TDRD6: variants seen among roughly 807,000 people sequenced by gnomAD.
The protein encoded by TDRD6 is tudor domain containing 6, also known as tudor domain-containing protein 6.
TDRD6 carries 186 observed loss-of-function variants against 157.5 expected under a neutral mutation model. The ratio of observed to expected loss-of-function variants is 1.18; its 90% CI spans 1.05 to 1.33. The LOEUF is 1.33. Among genes scored for constraint, TDRD6 ranks in the 40% most tolerant of loss-of-function variants. TDRD6 has a pLI of 0.00. For missense variants in TDRD6, 3,066 were observed against 2,508.0 expected (o/e 1.22, Z -4.75); for synonymous variants, 1,075 against 945.2 (o/e 1.14, Z -2.52).
chr6:46,688,497 C>T lies in TDRD6; in HGVS notation c.369C>T (p.Pro123=), dbSNP rs1345698006. 7.1e-6 allele frequency: 11 copies of T among 1,557,830 alleles called. No homozygotes were observed. The South Asian group carries it at 8.1e-5, about 11-fold the overall frequency. Residue 123 remains proline (P), a synonymous_variant, in exon 1 of 4, where the codon CCC becomes CCT. Coordinates refer to ENST00000316081, the MANE Select transcript of TDRD6 (RefSeq NM_001010870.3). The stretch of plus-strand genomic sequence containing the variant: ...GGCGCAGAGAGTTCTTCAATTTGCC[C>T]TCGGAAGTGCTGGGCTGCGTGCTAG... The part of the protein sequence containing the change: ...APGRREFFNL[P]SEVLGCVLAG...
Position 46,691,349 on chromosome 6 carries a change from CAA to C in TDRD6, c.3222_3223del (p.Ser1075Ter), listed in dbSNP as rs1483668900. 1 of 1,614,030 alleles carries C rather than the reference CAA, an allele frequency of 6.2e-7. No individual in the cohort carries two copies. Among genetic ancestry groups the C allele is most frequent in the East Asian group, 2.2e-5 (1 of 44,868 alleles). On this transcript the variant is annotated frameshift_variant, in exon 1 of 4. Transcript: ENST00000316081. LOFTEE classifies it high-confidence loss of function. ...GATTTTGGGAATATTTATGTAGTAA[CAA>C]GTGATGATCTGCTTCCAATACCTAG...
chr6:46,684,803 C>T (rs940759268), upstream of TDRD6, among the ~76,000 whole-genome samples: 4 of 151,988 alleles, frequency 2.6e-5, no homozygotes, highest in Non-Finnish European at 5.9e-5. Context: ...CAGGTTTTTG[C>T]ATGAGCATGT....
At chr6:46,697,534 A>G (rs1205085150) in intron 2 of TDRD6, among the ~76,000 whole-genome samples, 2 of 152,180 alleles carry the variant, frequency 1.3e-5, no homozygotes. Flanking sequence ...CTGAAGTAGC[A>G]TGGAGTTTGA....
chr6:46,692,816 A>G lies in TDRD6; in HGVS notation c.4688A>G (p.Asn1563Ser). The G allele has an allele frequency of 1.2e-6, 2 of 1,614,098 alleles. No individual in the cohort carries two copies. The highest frequency in any genetic ancestry group is 1.7e-6 in the Non-Finnish European group (2 of 1,179,998). Reference sequence around the variant, plus strand: ...GGAGAACAGGTAGCAGACAGGAGAAATTGTATCCCATGTCCTTATATTGGA... The same window carrying G: ...GGAGAACAGGTAGCAGACAGGAGAAGTTGTATCCCATGTCCTTATATTGGA... ...TAGEQVADRR[N>S]CIPCPYIGDP... The change falls in exon 1 of 4, where the codon AAT (asparagine) becomes AGT (serine). Residue 1563 changes from asparagine (N) to serine (S), a missense_variant. Asn to Ser is a conservative substitution (Grantham distance 46). Transcript: ENST00000316081.
At chr6:46,696,551 ATGTGTGTGTGTGTGTG>A (rs1213900777) in intron 2 of TDRD6, among the ~76,000 whole-genome samples, 1 of 47,652 alleles carries the variant, frequency 2.1e-5, no homozygotes, top group Non-Finnish European at 3.4e-5. Context: ...ATATGTATAT[ATGTGTGTGTGTGTGTG>A]TGTGTGTGTG....
rs1562055167 is a variant in TDRD6 at position 46,690,936 on chromosome 6, CATT to C, written c.2809_2811del (p.Ile937del). The stretch of plus-strand genomic sequence containing the variant: ...CTTCAATTAATGAAGAACTGTTTAA[CATT>C]GTGGATTTGCTAACCCCCTTTCAGA... On this transcript the variant is annotated inframe_deletion, in exon 1 of 4. Transcript: ENST00000316081. The C allele has an allele frequency of 6.2e-7, 1 of 1,614,084 alleles. No homozygotes were observed.
chr6:46,692,901 T>A lies in TDRD6; in HGVS notation c.4773T>A (p.Asn1591Lys). ...DGHYYRALIT[N>K]ICEDYLVSVR... ...ATTATTATAGGGCACTTATCACTAATATTTGTGAAGATTATCTTGTATCTG... is the reference window on the plus strand; with the variant it reads ...ATTATTATAGGGCACTTATCACTAAAATTTGTGAAGATTATCTTGTATCTG... Residue 1591 changes from asparagine (N) to lysine (K), a missense_variant, in exon 1 of 4, where the codon AAT (asparagine) becomes AAA (lysine). Transcript: ENST00000316081. The A allele has an allele frequency of 6.2e-7, 1 of 1,614,142 alleles. No individual in the cohort carries two copies. Among genetic ancestry groups the A allele is most frequent in the Non-Finnish European group, 8.5e-7 (1 of 1,179,990 alleles).
rs1277334742 is a variant in TDRD6, at chr6:46,691,593, G to T, written c.3465G>T (p.Lys1155Asn). The change falls in exon 1 of 4, where the codon AAG becomes AAT. Residue 1155 changes from lysine to asparagine, a missense_variant. Coordinates refer to ENST00000316081, the MANE Select transcript of TDRD6 (RefSeq NM_001010870.3). The part of the protein sequence containing the change: ...NIQISASINK[K>N]LGLLSYKDRI... ...AAATTAGTGCTAGTATTAATAAGAA[G>T]TTGGGGCTACTTAGTTACAAAGATA... The T allele has an allele frequency of 6.2e-7, 1 of 1,613,348 alleles. No homozygotes were observed. Among genetic ancestry groups the T allele is most frequent in the Non-Finnish European group, 8.5e-7 (1 of 1,179,696 alleles).
In TDRD6 at chr6:46,701,939, G is replaced by A. The variant is rs1384150049; in HGVS notation, c.*52G>A. 1 of 1,590,620 alleles carries A rather than the reference G, an allele frequency of 6.3e-7. No individual in the cohort carries two copies. On this transcript the variant is annotated 3_prime_UTR_variant, in exon 4 of 4. Coordinates refer to ENST00000316081, the MANE Select transcript of TDRD6 (RefSeq NM_001010870.3). ...AGTCAGAAGCTGCCCTTGAACAAGT[G>A]GCATCTTACGCAGACCAACAGAGTA...
Position 46,702,070 on chromosome 6 carries a change from T to C in TDRD6, c.*183T>C. The C allele has an allele frequency of 1.8e-6, 1 of 565,970 alleles. No homozygotes were observed. Among genetic ancestry groups the C allele is most frequent in the Non-Finnish European group, 3.1e-6 (1 of 318,992 alleles). 35.1% of individuals were successfully genotyped at this position (565,970 alleles called of 1,614,324 possible). A position where few individuals can be genotyped will look rare whatever the true frequency, so the allele number is the denominator to read the frequency against. On this transcript the variant is annotated 3_prime_UTR_variant, in exon 4 of 4. Coordinates refer to ENST00000316081, the MANE Select transcript of TDRD6 (RefSeq NM_001010870.3). The stretch of plus-strand genomic sequence containing the variant: ...TCAGGTTGATGGTGGGGTGTGTTTA[T>C]AGTGATCCTGTTATATATACAGATC...
At position 46,688,019 on chromosome 6, in the gene TDRD6, C is replaced by T; in HGVS notation, c.-110C>T. 7.3e-7 allele frequency: 1 copy of T among 1,371,794 alleles called. No individual in the cohort carries two copies. Among genetic ancestry groups the T allele is most frequent in the Non-Finnish European group, 9.4e-7 (1 of 1,065,576 alleles). 85.0% of individuals were successfully genotyped at this position (1,371,794 alleles called of 1,614,324 possible). ...CCGGCATTCTTCCCCTCCACTGGGT[C>T]CTTTGAACCTAGTTTGGCTGGGACT... On this transcript the variant is annotated 5_prime_UTR_variant, in exon 1 of 4. Coordinates refer to ENST00000316081, the MANE Select transcript of TDRD6 (RefSeq NM_001010870.3).
In TDRD6 at chr6:46,691,423, T is replaced by C; in HGVS notation, c.3295T>C (p.Ser1099Pro). The C allele has an allele frequency of 6.2e-7, 1 of 1,614,110 alleles. No homozygotes were observed. Among genetic ancestry groups the C allele is most frequent in the South Asian group, 1.1e-5 (1 of 91,076 alleles). The change falls in exon 1 of 4, where the codon TCA (serine) becomes CCA (proline). Residue 1099 changes from serine to proline, a missense_variant. Physicochemically the swap from Ser to Pro is moderately conservative, Grantham distance 74. Coordinates refer to ENST00000316081, the MANE Select transcript of TDRD6 (RefSeq NM_001010870.3). Reference protein sequence around the residue: ...LLLPMQAVRCSLSDIPDHIPE... With the variant: ...LLLPMQAVRCPLSDIPDHIPE... ...TTTGCCCATGCAAGCTGTCAGATGT[T>C]CATTATCTGATATTCCTGATCATAT...
chr6:46,680,600 T>C, the TDRD6 span, among the ~76,000 whole-genome samples: 1 of 152,108 alleles, frequency 6.6e-6, no homozygotes, highest in African/African-American at 2.4e-5. Flanking sequence ...TGGGGCAACT[T>C]TGGGCATATT....
chr6:46,696,665 G>A (rs1327502361), intron 2 of TDRD6, among the ~76,000 whole-genome samples: 4 of 125,142 alleles, frequency 3.2e-5, no homozygotes, highest in African/African-American at 1.2e-4. Flanking sequence ...AGGCTGGAGT[G>A]CAGTGGCGCC....
rs1562058671 is a variant in TDRD6 at position 46,693,813 on chromosome 6, T to G, written c.5685T>G (p.Leu1895=). 6.2e-7 allele frequency: 1 copy of G among 1,614,138 alleles called. No individual in the cohort carries two copies. Among genetic ancestry groups the G allele is most frequent in the Non-Finnish European group, 8.5e-7 (1 of 1,180,030 alleles). ...KGAMELFTLQ[L]PLSCEAEKQP... ...CCATGGAGCTATTTACACTGCAGCT[T>G]CCTCTCAGCTGTGAAGCTGAGAAAC... The change falls in exon 1 of 4, where the codon CTT becomes CTG. Residue 1895 remains leucine (L), a synonymous_variant. Transcript: ENST00000316081.
chr6:46,687,077 A>G (rs139396934), upstream of TDRD6, among the ~76,000 whole-genome samples: 3 of 152,368 alleles, frequency 2.0e-5, no homozygotes, highest in East Asian at 3.9e-4. Flanking sequence ...TAATGTAGAC[A>G]TATCCTGGAA....
intron 3 of TDRD6, among the ~76,000 whole-genome samples, chr6:46,699,902 G>T (rs1562061958): frequency 6.6e-6 from 1 of 152,128 alleles, no homozygotes; most frequent in Admixed American, 6.5e-5. Flanking sequence ...AAATAATGCT[G>T]CATGACACTA....
In TDRD6 at chr6:46,690,109, G is replaced by T; in HGVS notation, c.1981G>T (p.Ala661Ser). 6.2e-7 allele frequency: 1 copy of T among 1,613,812 alleles called. No homozygotes were observed. Among genetic ancestry groups the T allele is most frequent in the Non-Finnish European group, 8.5e-7 (1 of 1,179,974 alleles). The part of the protein sequence containing the change: ...TGEENISKVI[A>S]QAGYAKYQEF... ...GGAAGAAAACATTAGTAAGGTAATT[G>T]CCCAAGCTGGATATGCCAAGTATCA... The change falls in exon 1 of 4, where the codon GCC (alanine) becomes TCC (serine). Residue 661 changes from alanine (A) to serine (S), a missense_variant. Transcript: ENST00000316081.
chr6:46,692,474 G>A lies in TDRD6; in HGVS notation c.4346G>A (p.Cys1449Tyr), dbSNP rs1355720541. ...SQRTSEAAIRCEFVKFQDRWE... is the reference protein window; with the variant it reads ...SQRTSEAAIRYEFVKFQDRWE... ...CGGACCAGCGAGGCTGCAATAAGAT[G>A]TGAATTTGTTAAATTTCAAGACAGA... is the stretch of plus-strand genomic sequence containing the variant. The change falls in exon 1 of 4, where the codon TGT (cysteine) becomes TAT (tyrosine). Residue 1449 changes from cysteine to tyrosine, a missense_variant. By Grantham distance (194) the Cys-to-Tyr change is radical. Coordinates refer to ENST00000316081, the MANE Select transcript of TDRD6 (RefSeq NM_001010870.3). 2 of 1,613,770 alleles carry A rather than the reference G, an allele frequency of 1.2e-6. No homozygotes were observed. The highest frequency in any genetic ancestry group is 3.3e-5 in the Admixed American group (2 of 60,000).
Sources: allele counts gnomAD v4.1 joint callset (sites outside exome capture counted in the v4.1 genomes callset), GRCh38; gene constraint gnomAD v4.1.1; transcripts MANE v1.5; gene names NCBI Gene and HGNC (gene_info 2026-07-23, HGNC 2026-07-21).